C1orf105: variants seen among roughly 807,000 people sequenced by gnomAD.
C1orf105 encodes the protein uncharacterized protein C1orf105.
C1orf105 carries 17 observed loss-of-function variants against 20.8 expected under a neutral mutation model. The ratio of observed to expected loss-of-function variants is 0.82; its 90% CI spans 0.56 to 1.23. C1orf105 has a LOEUF of 1.23. C1orf105 is among the 50% of genes most tolerant of loss of function. C1orf105 has a pLI of 0.00. For synonymous variants in C1orf105, 72 were observed against 72.1 expected, an observed-to-expected ratio of 1.00 and a Z score of 0.01; for missense variants, 219 against 213.5, an observed-to-expected ratio of 1.03 and a Z score of -0.16.
intron 3 of C1orf105, among the ~76,000 whole-genome samples, chr1:172,455,095 A>G (rs1338336176): frequency 1.3e-5 from 2 of 152,120 alleles, no homozygotes; most frequent in Non-Finnish European, 2.9e-5. Context: ...TGACATACCA[A>G]CCCACAACAT....
chr1:172,426,381 A>G (rs2071723183), intron 1 of C1orf105, among the ~76,000 whole-genome samples: 1 of 152,084 alleles, frequency 6.6e-6, no homozygotes, highest in African/African-American at 2.4e-5. Context: ...ACATGACCCT[A>G]TGTGTTGCTT....
chr1:172,465,554 C>T, intron 6 of C1orf105, 191 bp downstream of exon 6: 2 of 678,738 alleles, frequency 2.9e-6, no homozygotes, highest in Non-Finnish European at 5.4e-6. Flanking sequence ...CCAGCACCAC[C>T]TGTGCCCTCC....
intron 6 of C1orf105, among the ~76,000 whole-genome samples, chr1:172,467,145 C>T (rs1558147789): frequency 6.6e-6 from 1 of 152,186 alleles, no homozygotes; most frequent in Non-Finnish European, 1.5e-5. Context: ...ACTGCCCCAT[C>T]CCCACTGGAT....
At chr1:172,452,157 C>T (rs1648725104) in intron 3 of C1orf105, among the ~76,000 whole-genome samples, 1 of 152,126 alleles carries the variant, frequency 6.6e-6, no homozygotes, top group African/African-American at 2.4e-5. Flanking sequence ...AAGTATGAGC[C>T]ACCATGCCTG....
At chr1:172,447,341 T>C (rs995753291) in intron 2 of C1orf105, among the ~76,000 whole-genome samples, 1 of 152,170 alleles carries the variant, frequency 6.6e-6, no homozygotes, top group Non-Finnish European at 1.5e-5. Context: ...GGCTGGGCTG[T>C]AATAAGAAGT....
intron 4 of C1orf105, among the ~76,000 whole-genome samples, 172 bp downstream of exon 4, chr1:172,456,661 A>G (rs895045864): frequency 1.4e-4 from 22 of 152,200 alleles, no homozygotes; most frequent in African/African-American, 4.6e-4. Flanking sequence ...CTGACAGAAC[A>G]TGATAAACCT....
intron 1 of C1orf105, among the ~76,000 whole-genome samples, chr1:172,430,491 A>C (rs767395082): frequency 1.3e-5 from 2 of 152,048 alleles, no homozygotes; most frequent in Non-Finnish European, 2.9e-5. Flanking sequence ...CCCATGCTGG[A>C]GTGCAGTGAT....
chr1:172,455,062 T>C (rs1451104647), intron 3 of C1orf105, among the ~76,000 whole-genome samples: 1 of 152,198 alleles, frequency 6.6e-6, no homozygotes, highest in Non-Finnish European at 1.5e-5. Context: ...AATGAATGAA[T>C]CTAGTTATTC....
At chr1:172,436,428 A>T (rs894076829) in intron 1 of C1orf105, among the ~76,000 whole-genome samples, 10 of 152,188 alleles carry the variant, frequency 6.6e-5, no homozygotes, top group Non-Finnish European at 1.2e-4. Context: ...AGGCCTCAGA[A>T]ATAACACCAC....
At chr1:172,467,961 A>G (rs184639631) in intron 6 of C1orf105, among the ~76,000 whole-genome samples, 1 of 152,358 alleles carries the variant, frequency 6.6e-6, no homozygotes, top group East Asian at 1.9e-4. Flanking sequence ...TTGAAACAAA[A>G]GTACTTTCTG....
At chr1:172,430,600 A>G (rs1037676110) in intron 1 of C1orf105, among the ~76,000 whole-genome samples, 2 of 151,890 alleles carry the variant, frequency 1.3e-5, no homozygotes, top group Non-Finnish European at 1.5e-5. Flanking sequence ...CACCACCTCC[A>G]GTTAATTTTT....
In C1orf105 at chr1:172,420,777, C is replaced by A. The variant is rs2071565164; in HGVS notation, c.-109C>A. Reference sequence around the variant, plus strand: ...GTTTACTTCGTCTCCTAACAAAAAACACTTTGGATTCAGGTTCTCCACAGC... The same window carrying A: ...GTTTACTTCGTCTCCTAACAAAAAAAACTTTGGATTCAGGTTCTCCACAGC... On this transcript the variant is annotated 5_prime_UTR_variant, in exon 1 of 7. Transcript: ENST00000367727. 2.7e-6 allele frequency: 3 copies of A among 1,124,298 alleles called. No individual in the cohort carries two copies. In the African/African-American group the frequency reaches 4.8e-5, roughly 18 times the overall value. The allele number at this position is 1,124,298 out of a possible 1,614,324, so 69.6% of individuals were successfully genotyped here.
At chr1:172,462,123 AT>A in intron 4 of C1orf105, 54 bp from the exon 5 acceptor site, 1 of 1,281,810 alleles carries the variant, frequency 7.8e-7, no homozygotes, top group East Asian at 2.3e-5. Flanking sequence ...TACATTATTT[AT>A]TTAAATCAAA....
At chr1:172,440,267 C>G (rs2072177521) in intron 1 of C1orf105, among the ~76,000 whole-genome samples, 2 of 152,174 alleles carry the variant, frequency 1.3e-5, no homozygotes, top group African/African-American at 4.8e-5. Context: ...ACAGGAATAA[C>G]CAGCTATCTT....
At chr1:172,453,732 A>G (rs1648918607) in intron 3 of C1orf105, among the ~76,000 whole-genome samples, 1 of 152,216 alleles carries the variant, frequency 6.6e-6, no homozygotes, top group African/African-American at 2.4e-5. Flanking sequence ...TAAAATCAAG[A>G]ATAGTGCAAA....
At chr1:172,451,184 C>G (rs1270880133) in intron 3 of C1orf105, 1 of 152,232 alleles carries the variant, frequency 6.6e-6, no homozygotes, top group African/African-American at 2.4e-5. Flanking sequence ...CTTGCTGGTA[C>G]TGGGTGTAAA....
chr1:172,420,955 C>A, intron 1 of C1orf105, 49 bp downstream of exon 1: 1 of 1,543,356 alleles, frequency 6.5e-7, no homozygotes, highest in South Asian at 1.1e-5. Context: ...ATGGGGTTAC[C>A]CTGGTAAATG....
At chr1:172,421,013 A>C in intron 1 of C1orf105, 107 bp downstream of exon 1, 1 of 1,025,394 alleles carries the variant, frequency 9.8e-7, no homozygotes, top group South Asian at 1.5e-5. Flanking sequence ...GTTTCAACAG[A>C]CATCCTAGAA....
In C1orf105 at chr1:172,456,428, A is replaced by G; in HGVS notation, c.212A>G (p.Gln71Arg). ...PDVLSKARRN[Q>R]CDSMLLRNQQ... ...CTTTCCCCTCAGGCCAGGAGGAACCAGTGTGACTCCATGCTGCTCAGAAAC... is the reference window on the plus strand; with the variant it reads ...CTTTCCCCTCAGGCCAGGAGGAACCGGTGTGACTCCATGCTGCTCAGAAAC... Residue 71 changes from glutamine to arginine, a missense_variant, in exon 4 of 7, where the codon CAG becomes CGG. Physicochemically the swap from Gln to Arg is conservative, Grantham distance 43 (BLOSUM62 1). Coordinates refer to ENST00000367727, the MANE Select transcript of C1orf105 (RefSeq NM_139240.4). The G allele has an allele frequency of 6.2e-7, 1 of 1,613,264 alleles. No homozygotes were observed. The highest frequency in any genetic ancestry group is 8.5e-7 in the Non-Finnish European group (1 of 1,179,946).
Sources: allele counts gnomAD v4.1 joint callset (sites outside exome capture counted in the v4.1 genomes callset), GRCh38; gene constraint gnomAD v4.1.1; transcripts MANE v1.5; gene names NCBI Gene and HGNC (gene_info 2026-07-23, HGNC 2026-07-21).